The following PCNX1 variants were observed in gnomAD, a reference collection of about 807,000 sequenced individuals.
PCNX1 encodes pecanex-like protein 1.
PCNX1 carries 78 observed loss-of-function variants against 242.2 expected under a neutral mutation model. The ratio of observed to expected loss-of-function variants is 0.32; its 90% CI spans 0.27 to 0.39. The LOEUF (loss-of-function observed/expected upper bound fraction) is 0.39, where lower values mean the gene tolerates loss of function less well. Among genes scored for constraint, PCNX1 ranks in the 10% least tolerant of loss-of-function variants. The probability of loss-of-function intolerance (pLI) is 1.00; values close to 1 mark genes in which losing one functional copy is unlikely to be tolerated. For synonymous variants in PCNX1, 1,024 were observed against 1,032.9 expected, an observed-to-expected ratio of 0.99 and a Z score of 0.17; for missense variants, 2,581 against 2,856.5, an observed-to-expected ratio of 0.90 and a Z score of 2.20.
At chr14:71,000,067 A>G (rs1173231192) in intron 8 of PCNX1, among the ~76,000 whole-genome samples, 1 of 152,126 alleles carries the variant, frequency 6.6e-6, no homozygotes, top group East Asian at 1.9e-4. Context: ...TTTTGAGTAC[A>G]AAAAAATAAT....
chr14:70,986,132 T>G (rs533555346), intron 6 of PCNX1, among the ~76,000 whole-genome samples: 5 of 152,358 alleles, frequency 3.3e-5, no homozygotes, highest in African/African-American at 1.2e-4. Context: ...GTTCTGTAAG[T>G]AGCACATTCC....
chr14:71,030,269 C>A (rs7152781), intron 16 of PCNX1, among the ~76,000 whole-genome samples: 80 of 152,268 alleles, frequency 5.3e-4, no homozygotes, highest in South Asian at 2.1e-3. Flanking sequence ...CTGCTTCTTA[C>A]ATTTTCTGAC....
chr14:71,051,812 G>A, intron 23 of PCNX1, 71 bp from the exon 24 acceptor site: 1 of 1,478,550 alleles, frequency 6.8e-7, no homozygotes, highest in South Asian at 1.3e-5. Context: ...GTGTCTGCTA[G>A]GTTTTTGCGA....
rs138346947 is a variant in PCNX1 at position 70,926,824 on chromosome 14, A to G, written c.153+18821A>G. The stretch of plus-strand genomic sequence containing the variant: ...TGCAGCACAAACAAGTGTGCAGTGT[A>G]TCTGGTATTAAAATTTCACAGGGAG... On this transcript the variant is annotated intron_variant, in intron 1 of 35. Coordinates refer to ENST00000304743, the MANE Select transcript of PCNX1 (RefSeq NM_014982.3). 1.2e-3 allele frequency among the ~76,000 whole-genome samples: 182 copies of G among 152,352 alleles called. 3 individuals carry two copies. Among genetic ancestry groups the G allele is most frequent in the Admixed American group, 2.2e-3 (34 of 15,304 alleles).
At chr14:71,061,777 G>A (rs932817327) in intron 26 of PCNX1, among the ~76,000 whole-genome samples, 4 of 152,170 alleles carry the variant, frequency 2.6e-5, no homozygotes, top group Non-Finnish European at 4.4e-5. Flanking sequence ...GGGATGGCAA[G>A]CAACTTTAAC....
At chr14:71,035,078 GGT>G (rs1201139009) in intron 18 of PCNX1, among the ~76,000 whole-genome samples, 1 of 152,144 alleles carries the variant, frequency 6.6e-6, no homozygotes, top group Non-Finnish European at 1.5e-5. Flanking sequence ...CAGGAGTGGT[GGT>G]GTGTGCCTGT....
chr14:70,969,276 A>T, intron 5 of PCNX1, 166 bp downstream of exon 5: 1 of 553,290 alleles, frequency 1.8e-6, no homozygotes, highest in Non-Finnish European at 3.3e-6. Context: ...AGAGTTACAC[A>T]TGCTTTTAGC....
intron 1 of PCNX1, among the ~76,000 whole-genome samples, chr14:70,910,826 G>A (rs1429811987): frequency 6.6e-6 from 1 of 152,174 alleles, no homozygotes; most frequent in Non-Finnish European, 1.5e-5. Flanking sequence ...ATGAATGATT[G>A]AGAAGTGCAC....
At chr14:71,076,552 C>A (rs2061723729) in intron 28 of PCNX1, 133 bp downstream of exon 28, 1 of 645,782 alleles carries the variant, frequency 1.5e-6, no homozygotes, top group Non-Finnish European at 2.7e-6. Context: ...GATAACCTAA[C>A]TGGTTCATTA....
chr14:70,923,827 G>A (rs1179261800), intron 1 of PCNX1, among the ~76,000 whole-genome samples: 1 of 152,062 alleles, frequency 6.6e-6, no homozygotes, highest in Non-Finnish European at 1.5e-5. Flanking sequence ...AAAACATGCT[G>A]CAGTAAATAA....
intron 9 of PCNX1, among the ~76,000 whole-genome samples, chr14:71,010,924 C>G (rs2059804935): frequency 6.6e-6 from 1 of 152,078 alleles, no homozygotes; most frequent in Non-Finnish European, 1.5e-5. Flanking sequence ...AATTCACCCT[C>G]TCAAAAAATT....
At chr14:71,094,131 TAC>T (rs965659913) in intron 30 of PCNX1, among the ~76,000 whole-genome samples, 6 of 152,220 alleles carry the variant, frequency 3.9e-5, no homozygotes, top group African/African-American at 1.2e-4. Flanking sequence ...CACAAATGTT[TAC>T]AGTGTTTTTA....
chr14:70,909,972 C>T (rs1176770246), intron 1 of PCNX1, among the ~76,000 whole-genome samples: 1 of 150,920 alleles, frequency 6.6e-6, no homozygotes. Context: ...TTCTCAGCCA[C>T]TTATTGCTTA....
At chr14:71,077,836 G>C (rs1287392943) in intron 28 of PCNX1, among the ~76,000 whole-genome samples, 2 of 152,184 alleles carry the variant, frequency 1.3e-5, no homozygotes, top group East Asian at 3.9e-4. Context: ...TTGTTGGGGA[G>C]AGTAATGGGA....
intron 8 of PCNX1, among the ~76,000 whole-genome samples, chr14:71,007,846 T>G (rs1236309197): frequency 1.3e-5 from 2 of 152,192 alleles, no homozygotes; most frequent in East Asian, 3.8e-4. Flanking sequence ...AAAAAAACTT[T>G]CAGTGATACA....
chr14:71,045,027 A>G, intron 19 of PCNX1, 106 bp from the exon 20 acceptor site: 1 of 732,268 alleles, frequency 1.4e-6, no homozygotes, highest in Non-Finnish European at 2.3e-6. Flanking sequence ...ATATTCTAAA[A>G]TGGACGTTGT....
intron 6 of PCNX1, among the ~76,000 whole-genome samples, chr14:70,982,546 T>C (rs1335579552): frequency 1.3e-5 from 2 of 152,338 alleles, no homozygotes; most frequent in South Asian, 2.1e-4. Context: ...CTGACCTTGA[T>C]TTCATTAAGG....
chr14:71,002,590 A>G (rs1332944724), intron 8 of PCNX1, among the ~76,000 whole-genome samples: 1 of 152,176 alleles, frequency 6.6e-6, no homozygotes, highest in African/African-American at 2.4e-5. Context: ...CTCTTCTAGC[A>G]GTTGATATAA....
Position 71,073,787 on chromosome 14 carries a change from T to C in PCNX1, c.5095T>C (p.Tyr1699His). 2 of 1,602,984 alleles carry C rather than the reference T, an allele frequency of 1.2e-6. No homozygotes were observed. Among genetic ancestry groups the C allele is most frequent in the Non-Finnish European group, 1.7e-6 (2 of 1,172,080 alleles). ...VFDLRKVLTT[Y>H]YVKGIIYYVT... ...TGATCTTCGGAAAGTACTCACCACT[T>C]ACTATGTCAAGGTAGGAGTATGTGC... is the stretch of plus-strand genomic sequence containing the variant. The change falls in exon 27 of 36, where the codon TAC (tyrosine) becomes CAC (histidine). Residue 1699 changes from tyrosine (Y) to histidine (H), a missense_variant. By Grantham distance (83) the Tyr-to-His change is moderately conservative. Transcript: ENST00000304743.
Sources: allele counts gnomAD v4.1 joint callset (sites outside exome capture counted in the v4.1 genomes callset), GRCh38; gene constraint gnomAD v4.1.1; transcripts MANE v1.5; gene names NCBI Gene and HGNC (gene_info 2026-07-23, HGNC 2026-07-21).